Variants in BAHCC1 observed in about 807,000 individuals in gnomAD.
BAHCC1 encodes the protein BAH domain and coiled-coil containing 1.
Under a neutral mutation model 88.2 loss-of-function variants are expected in BAHCC1, and 43 were observed. That is an observed-to-expected ratio of 0.49 (90% CI 0.38 to 0.63). The LOEUF (loss-of-function observed/expected upper bound fraction) is 0.63. Ranked by LOEUF, BAHCC1 falls within the 20% of genes least tolerant of loss-of-function variation. The probability of loss-of-function intolerance (pLI) is 0.00; values close to 1 mark genes in which losing one functional copy is unlikely to be tolerated. For missense variants in BAHCC1, 3,023 were observed against 1,654.8 expected, an observed-to-expected ratio of 1.83 and a Z score of -14.34; for synonymous variants, 1,510 against 745.5, an observed-to-expected ratio of 2.03 and a Z score of -16.71.
intron 2 of BAHCC1, chr17:81,401,080 T>C (rs1193929823): frequency 6.6e-6 from 1 of 152,264 alleles, no homozygotes; most frequent in African/African-American, 2.4e-5. Flanking sequence ...TAAAATTATA[T>C]CTGCTTTAAT....
At position 81,399,726 on chromosome 17, in the gene BAHCC1, G is replaced by A. The variant is rs2063788960; in HGVS notation, c.-14G>A. ...CTCCGAGGAAGCGGCGGCGGACCGG[G>A]GCCGGGGCCCGGCATGGATGGCCGC... On this transcript the variant is annotated 5_prime_UTR_variant, in exon 2 of 28. Coordinates refer to ENST00000675386, the MANE Select transcript of BAHCC1 (RefSeq NM_001377448.1). This position sits in a 1 kb window ranked among gnomAD's most constrained non-coding sequence, Gnocchi z 4.5. 1.9e-6 allele frequency: 2 copies of A among 1,071,830 alleles called. No individual in the cohort carries two copies. The highest frequency in any genetic ancestry group is 1.1e-4 in the Admixed American group (2 of 18,398). The allele number at this position is 1,071,830 out of a possible 1,614,324, so 66.4% of individuals were successfully genotyped here. A position where few individuals can be genotyped will look rare whatever the true frequency, so the allele number is the denominator to read the frequency against.
intron 5 of BAHCC1, 25 bp from the exon 6 acceptor site, chr17:81,443,784 C>T (rs1358582996): frequency 8.5e-6 from 6 of 706,678 alleles, no homozygotes; most frequent in Admixed American, 2.0e-5. Flanking sequence ...AACCCTCTCC[C>T]GTCTGCTGTC....
At chr17:81,403,754 A>G (rs539082537) in intron 2 of BAHCC1, among the ~76,000 whole-genome samples, 85 of 152,368 alleles carry the variant, frequency 5.6e-4, no homozygotes, top group African/African-American at 2.0e-3. Flanking sequence ...GTCCCGCTCC[A>G]TAAGTGACAG....
At chr17:81,415,399 G>C in intron 2 of BAHCC1, 2 of 357,296 alleles carry the variant, frequency 5.6e-6, no homozygotes, top group Non-Finnish European at 1.1e-5. Context: ...ACCACGCCTT[G>C]AGACACAGAG....
At chr17:81,433,539 G>A (rs1393778767) in intron 3 of BAHCC1, among the ~76,000 whole-genome samples, 2 of 149,788 alleles carry the variant, frequency 1.3e-5, no homozygotes, top group African/African-American at 4.9e-5. Flanking sequence ...GGTGTCATCA[G>A]TCCACCGAGG....
chr17:81,418,772 T>TGC (rs1241744872), intron 2 of BAHCC1, among the ~76,000 whole-genome samples: 2 of 149,908 alleles, frequency 1.3e-5, no homozygotes, highest in Admixed American at 6.6e-5. Flanking sequence ...TGTACGTGTG[T>TGC]GTACGTGTGT....
At chr17:81,415,383 G>C (rs2064007022) in intron 2 of BAHCC1, 1 of 333,084 alleles carries the variant, frequency 3.0e-6, no homozygotes, top group Non-Finnish European at 6.0e-6. Context: ...AGGTGGCTGG[G>C]TGTGAACCAC....
chr17:81,407,948 C>T (rs1346951520), intron 2 of BAHCC1, among the ~76,000 whole-genome samples: 3 of 152,208 alleles, frequency 2.0e-5, no homozygotes, highest in Non-Finnish European at 2.9e-5. Flanking sequence ...CACCTGTCTG[C>T]CCCCTACGTC....
chr17:81,397,909 T>C (rs1400111832), intron 1 of BAHCC1, among the ~76,000 whole-genome samples: 1 of 152,254 alleles, frequency 6.6e-6, no homozygotes, highest in Non-Finnish European at 1.5e-5. Flanking sequence ...GCTTATCAGC[T>C]GAGCAAATAT....
At chr17:81,452,248 G>T in intron 13 of BAHCC1, 141 bp downstream of exon 13, 1 of 486,914 alleles carries the variant, frequency 2.1e-6, no homozygotes, top group Non-Finnish European at 3.6e-6. Context: ...AGGGTCCATC[G>T]GGGAGGCCCC....
chr17:81,442,366 G>A lies in BAHCC1; in HGVS notation c.1017G>A (p.Glu339=). The change falls in exon 5 of 28, where the codon GAG becomes GAA. Residue 339 remains glutamate, a synonymous_variant. Coordinates refer to ENST00000675386, the MANE Select transcript of BAHCC1 (RefSeq NM_001377448.1). ...GGCCGGCCTTCAGCGAGTGCCTGGA[G>A]CGGCGGCAGATGCTACACCACACCG... ...EPGPAFSECL[E]RRQMLHHTAS... 1.4e-6 allele frequency: 1 copy of A among 702,096 alleles called. No homozygotes were observed. The allele number at this position is 702,096 out of a possible 1,614,324, so 43.5% of individuals were successfully genotyped here. A position where few individuals can be genotyped will look rare whatever the true frequency, so the allele number is the denominator to read the frequency against.
intron 2 of BAHCC1, among the ~76,000 whole-genome samples, chr17:81,425,794 G>A (rs573037292): frequency 7.5e-5 from 11 of 146,386 alleles, no homozygotes; most frequent in African/African-American, 2.5e-4. Flanking sequence ...TGTGGTTGAG[G>A]GTGATGGTGG....
chr17:81,431,180 C>G (rs904915210), intron 3 of BAHCC1, among the ~76,000 whole-genome samples: 4 of 152,122 alleles, frequency 2.6e-5, no homozygotes, highest in Non-Finnish European at 1.5e-5. Context: ...CTATGATCCC[C>G]CCTCCGGAGG....
At chr17:81,446,717 T>C (rs546180293) in intron 10 of BAHCC1, 6 of 495,910 alleles carry the variant, frequency 1.2e-5, no homozygotes. Context: ...CCCAGCTCAT[T>C]GTTCTTTAAT....
chr17:81,431,974 C>T (rs1293229437), intron 3 of BAHCC1, among the ~76,000 whole-genome samples: 2 of 152,196 alleles, frequency 1.3e-5, no homozygotes, highest in Non-Finnish European at 2.9e-5. Flanking sequence ...GTGGCAGATG[C>T]GGCATGGGCC....
chr17:81,414,644 C>T (rs782645054), intron 2 of BAHCC1, among the ~76,000 whole-genome samples: 1 of 152,184 alleles, frequency 6.6e-6, no homozygotes, highest in Non-Finnish European at 1.5e-5. Flanking sequence ...ACGTGTGTGT[C>T]GTGAGGACGT....
At position 81,464,225 on chromosome 17, in the gene BAHCC1, G is replaced by A. The variant is rs1254344760; in HGVS notation, c.*408G>A. 1.1e-5 allele frequency: 3 copies of A among 263,188 alleles called. No homozygotes were observed. The highest frequency in any genetic ancestry group is 8.7e-5 in the East Asian group (1 of 11,440). 16.3% of individuals were successfully genotyped at this position (263,188 alleles called of 1,614,324 possible). ...CTCTATGTAAATATTGTATTTCTGCGGGGAAATTTTATGGTAAAAAGTGGA... is the reference window on the plus strand; with the variant it reads ...CTCTATGTAAATATTGTATTTCTGCAGGGAAATTTTATGGTAAAAAGTGGA... On this transcript the variant is annotated 3_prime_UTR_variant, in exon 28 of 28. Coordinates refer to ENST00000675386, the MANE Select transcript of BAHCC1 (RefSeq NM_001377448.1).
At chr17:81,412,955 C>G in intron 2 of BAHCC1, 1 of 273,318 alleles carries the variant, frequency 3.7e-6, no homozygotes, top group South Asian at 2.7e-5. Flanking sequence ...AGTGAGAGAG[C>G]GCAGGACGGA....
In BAHCC1 at chr17:81,411,017, A is replaced by G. The variant is rs1727101655; in HGVS notation, c.178+11100A>G. ...AGCCGCACCTGGGTCTTTGTTGTCC[A>G]TATGTCTGTGTGAAGGCCTGGGGCC... On this transcript the variant is annotated intron_variant, in intron 2 of 27. Transcript: ENST00000675386. The surrounding 1 kb of genome is among the most constrained non-coding windows in gnomAD (Gnocchi z 6.2). The G allele has an allele frequency of 3.9e-6, 2 of 513,964 alleles. No individual in the cohort carries two copies. The highest frequency in any genetic ancestry group is 7.8e-6 in the Non-Finnish European group (2 of 257,760). The allele number at this position is 513,964 out of a possible 1,614,324, so 31.8% of individuals were successfully genotyped here. A position where few individuals can be genotyped will look rare whatever the true frequency, so the allele number is the denominator to read the frequency against.
Sources: allele counts gnomAD v4.1 joint callset (sites outside exome capture counted in the v4.1 genomes callset), GRCh38; gene constraint gnomAD v4.1.1; non-coding constraint Gnocchi (gnomAD v3.1); transcripts MANE v1.5; gene names NCBI Gene and HGNC (gene_info 2026-07-23, HGNC 2026-07-21).